The following PPIL4 variants were observed in gnomAD, a reference collection of about 807,000 sequenced individuals.
The protein encoded by PPIL4 is peptidylprolyl isomerase like 4.
In PPIL4, 50 loss-of-function variants were observed where a neutral mutation model predicts 69.1. The observed-to-expected ratio is 0.72, with a 90% CI of 0.58 to 0.92. The LOEUF (loss-of-function observed/expected upper bound fraction) is 0.92. Among genes scored for constraint, PPIL4 ranks in the 40% least tolerant of loss-of-function variants. The pLI is 0.00. For synonymous variants in PPIL4, 193 were observed against 191.6 expected, an observed-to-expected ratio of 1.01 and a Z score of -0.06; for missense variants, 480 against 587.9, an observed-to-expected ratio of 0.82 and a Z score of 1.90.
intron 7 of PPIL4, among the ~76,000 whole-genome samples, chr6:149,530,434 G>A (rs1777178679): frequency 6.6e-6 from 1 of 151,844 alleles, no homozygotes; most frequent in Admixed American, 6.6e-5. Context: ...GCCGAGGCAG[G>A]CAGATCACCA....
In PPIL4 at chr6:149,532,222, G is replaced by C. The variant is rs186110238; in HGVS notation, c.678+1236C>G. On this transcript the variant is annotated intron_variant, in intron 7 of 12. Coordinates refer to ENST00000253329, the MANE Select transcript of PPIL4 (RefSeq NM_139126.4). ...ATGTAGCAAAATGTTAAAAATTGGT[G>C]AATGTGGGTAAAAGGTATATAGAAG... Among the ~76,000 whole-genome samples, 1,036 of 152,306 alleles carry C rather than the reference G, an allele frequency of 6.8e-3. 11 individuals are homozygous for C. The highest frequency in any genetic ancestry group is 0.024 in the African/African-American group (984 of 41,582).
At chr6:149,511,941 C>T (rs1776849862) in intron 12 of PPIL4, among the ~76,000 whole-genome samples, 4 of 152,138 alleles carry the variant, frequency 2.6e-5, no homozygotes, top group African/African-American at 9.7e-5. Flanking sequence ...GTATTTGATA[C>T]ATTAAGTTAT....
At chr6:149,533,029 T>C (rs1377538034) in intron 7 of PPIL4, among the ~76,000 whole-genome samples, 1 of 152,206 alleles carries the variant, frequency 6.6e-6, no homozygotes, top group African/African-American at 2.4e-5. Context: ...TTCAGGTTGT[T>C]AGTAATACAG....
chr6:149,533,340 G>GA (rs1777226825), intron 7 of PPIL4, 118 bp downstream of exon 7: 1 of 634,174 alleles, frequency 1.6e-6, no homozygotes, highest in Non-Finnish European at 2.7e-6. Flanking sequence ...ATTTAAATCA[G>GA]AAAAAAATCA....
At position 149,531,091 on chromosome 6, in the gene PPIL4, C is replaced by T. The variant is rs531672230; in HGVS notation, c.678+2367G>A. 5.9e-5 allele frequency among the ~76,000 whole-genome samples: 9 copies of T among 152,152 alleles called. No homozygotes were observed. In the East Asian group the frequency reaches 7.7e-4, roughly 13 times the overall value. ...TGAAAAATATTCTATTGGCCGGGCA[C>T]GGTGGCTCATGCCTGTAATCCCAGC... is the stretch of plus-strand genomic sequence containing the variant. On this transcript the variant is annotated intron_variant, in intron 7 of 12. Coordinates refer to ENST00000253329, the MANE Select transcript of PPIL4 (RefSeq NM_139126.4).
chr6:149,545,928 A>C lies in PPIL4; in HGVS notation c.70+8T>G. 6.3e-7 allele frequency: 1 copy of C among 1,581,734 alleles called. No homozygotes were observed. The highest frequency in any genetic ancestry group is 8.6e-7 in the Non-Finnish European group (1 of 1,161,506). On this transcript the variant is annotated splice_region_variant and intron_variant, in intron 1 of 12. Coordinates refer to ENST00000253329, the MANE Select transcript of PPIL4 (RefSeq NM_139126.4). ...CCCGGCGACAGGTGAGTGGGGCTCAAGCCTCACCACGCGGCCGTTCTTCGG... is the reference window on the plus strand; with the variant it reads ...CCCGGCGACAGGTGAGTGGGGCTCACGCCTCACCACGCGGCCGTTCTTCGG...
chr6:149,520,312 G>A (rs1235507913), intron 10 of PPIL4, among the ~76,000 whole-genome samples: 1 of 152,098 alleles, frequency 6.6e-6, no homozygotes, highest in South Asian at 2.1e-4. Context: ...AGAGAAATTA[G>A]ATAGATGAGG....
Position 149,546,033 on chromosome 6 carries a change from CCCGG to C in PPIL4, c.-32_-29del. 6.4e-7 allele frequency: 1 copy of C among 1,556,654 alleles called. No homozygotes were observed. Among genetic ancestry groups the C allele is most frequent in the South Asian group, 1.2e-5 (1 of 85,290 alleles). On this transcript the variant is annotated 5_prime_UTR_variant, in exon 1 of 13. Transcript: ENST00000253329. ...CGCCCGCTCCTCCTCCGCTACAAAC[CCCGG>C]GAGGAGGGGGGTGACAGGCGCAGGC...
At chr6:149,534,848 C>T in intron 5 of PPIL4, 74 bp from the exon 6 acceptor site, 1 of 872,848 alleles carries the variant, frequency 1.1e-6, no homozygotes, top group East Asian at 2.7e-5. Flanking sequence ...TAATAGATTA[C>T]AAAAAATTAC....
chr6:149,518,789 T>C (rs777636324), intron 10 of PPIL4, among the ~76,000 whole-genome samples: 65 of 152,176 alleles, frequency 4.3e-4, no homozygotes, highest in Non-Finnish European at 8.8e-5. Context: ...TGTAAGAGGT[T>C]CTTGACTGTA....
At chr6:149,520,831 G>A (rs1472437017) in intron 10 of PPIL4, among the ~76,000 whole-genome samples, 1 of 152,010 alleles carries the variant, frequency 6.6e-6, no homozygotes, top group Non-Finnish European at 1.5e-5. Context: ...TGGCCAACGT[G>A]GTGAAACCCC....
At chr6:149,520,312 G>C (rs1235507913) in intron 10 of PPIL4, among the ~76,000 whole-genome samples, 1 of 152,098 alleles carries the variant, frequency 6.6e-6, no homozygotes, top group African/African-American at 2.4e-5. Flanking sequence ...AGAGAAATTA[G>C]ATAGATGAGG....
intron 7 of PPIL4, among the ~76,000 whole-genome samples, chr6:149,530,646 G>A (rs1328215056): frequency 6.8e-6 from 1 of 147,300 alleles, no homozygotes; most frequent in African/African-American, 2.5e-5. Flanking sequence ...GTGACAGAGC[G>A]AGACTCCATC....
chr6:149,517,669 T>C (rs1776967669), intron 10 of PPIL4: 2 of 401,224 alleles, frequency 5.0e-6, no homozygotes, highest in Admixed American at 8.8e-5. Context: ...TAACGATATA[T>C]GTGAATATTA....
Position 149,536,073 on chromosome 6 carries a change from C to G in PPIL4, c.322-335G>C, listed in dbSNP as rs561781537. ...ATTCTCACAAGATTTCAAACTTTTT[C>G]ATTACTATTGTATCTGTTATTACCA... is the stretch of plus-strand genomic sequence containing the variant. On this transcript the variant is annotated intron_variant, in intron 4 of 12. Transcript: ENST00000253329. Among the ~76,000 whole-genome samples, 6 of 152,340 alleles carry G rather than the reference C, an allele frequency of 3.9e-5. No individual in the cohort carries two copies. In the South Asian group the frequency reaches 1.2e-3, roughly 32 times the overall value.
At chr6:149,518,584 A>G (rs1188297020) in intron 10 of PPIL4, among the ~76,000 whole-genome samples, 4 of 152,260 alleles carry the variant, frequency 2.6e-5, no homozygotes, top group Non-Finnish European at 5.9e-5. Context: ...TGGCAATTCC[A>G]GAGACTCCAG....
Position 149,533,547 on chromosome 6 carries a change from T to C in PPIL4, c.589A>G (p.Ile197Val). Residue 197 changes from isoleucine (I) to valine (V), a missense_variant, in exon 7 of 13, where the codon ATT becomes GTT. Ile to Val is a conservative substitution (Grantham distance 29, BLOSUM62 3). Coordinates refer to ENST00000253329, the MANE Select transcript of PPIL4 (RefSeq NM_139126.4). Reference sequence around the variant, plus strand: ...GCTGATCTTCCTTTGAAATCATCAATTTCTTCATCTGCTCCTATTCGACCA... The same window carrying C: ...GCTGATCTTCCTTTGAAATCATCAACTTCTTCATCTGCTCCTATTCGACCA... ...DSGRIGADEEIDDFKGRSAEE... is the reference protein window; with the variant it reads ...DSGRIGADEEVDDFKGRSAEE... 2 of 1,610,888 alleles carry C rather than the reference T, an allele frequency of 1.2e-6. No individual in the cohort carries two copies. Among genetic ancestry groups the C allele is most frequent in the Non-Finnish European group, 1.7e-6 (2 of 1,177,462 alleles).
chr6:149,508,096 T>A (rs115491176), intron 12 of PPIL4, among the ~76,000 whole-genome samples: 329 of 152,158 alleles, frequency 2.2e-3, no homozygotes, highest in African/African-American at 7.6e-3. Flanking sequence ...GCTTTAGGAG[T>A]GCAATATCCT....
intron 4 of PPIL4, among the ~76,000 whole-genome samples, chr6:149,536,796 AAAGTGCAAGGTGAAGCAGC>A (rs1325733895): frequency 2.0e-5 from 3 of 152,098 alleles, no homozygotes; most frequent in Admixed American, 6.5e-5. Context: ...CCATAATTTA[AAAGTGCAAGGTGAAGCAGC>A]AAGTGCTGAC....
Sources: gnomAD v4.1 joint callset for allele counts (sites outside exome capture counted in the v4.1 genomes callset) on GRCh38, gnomAD v4.1.1 for gene constraint, MANE v1.5 for transcripts, NCBI Gene and HGNC (gene_info 2026-07-23, HGNC 2026-07-21) for gene names.